Variants in SEMA3A observed in about 807,000 individuals in gnomAD.
SEMA3A encodes semaphorin-3A.
Under a neutral mutation model 97.9 loss-of-function variants are expected in SEMA3A, and 29 were observed. That is an observed-to-expected ratio of 0.30 (90% CI 0.22 to 0.40). The LOEUF (loss-of-function observed/expected upper bound fraction) is 0.40, where lower values mean the gene tolerates loss of function less well. Among genes scored for constraint, SEMA3A ranks in the 10% least tolerant of loss-of-function variants. The probability of loss-of-function intolerance (pLI) is 1.00; values close to 1 mark genes in which losing one functional copy is unlikely to be tolerated. For synonymous variants in SEMA3A, 321 were observed against 323.7 expected, an observed-to-expected ratio of 0.99 and a Z score of 0.09; for missense variants, 763 against 951.3, an observed-to-expected ratio of 0.80 and a Z score of 2.60.
At chr7:84,433,146 A>G (rs1349216495) in intron 1 of SEMA3A, among the ~76,000 whole-genome samples, 2 of 151,874 alleles carry the variant, frequency 1.3e-5, no homozygotes, top group African/African-American at 2.4e-5. Context: ...TTACATAGGT[A>G]TACATGTGCC....
At chr7:84,239,810 C>T (rs1799317992) in intron 3 of SEMA3A, among the ~76,000 whole-genome samples, 1 of 152,212 alleles carries the variant, frequency 6.6e-6, no homozygotes, top group South Asian at 2.1e-4. Flanking sequence ...GATGCATACA[C>T]ATTTATTACT....
At chr7:84,079,477 A>G (rs1242552371) in intron 4 of SEMA3A, among the ~76,000 whole-genome samples, 1 of 151,674 alleles carries the variant, frequency 6.6e-6, no homozygotes, top group African/African-American at 2.4e-5. Context: ...AATATCCAGA[A>G]TCTACAATGA....
intron 3 of SEMA3A, among the ~76,000 whole-genome samples, chr7:84,288,881 A>T: frequency 6.6e-6 from 1 of 152,138 alleles, no homozygotes; most frequent in East Asian, 1.9e-4. Flanking sequence ...AAAAGAAAGG[A>T]AATCAGTAAG....
chr7:84,483,168 C>T (rs544296927), intron 1 of SEMA3A, among the ~76,000 whole-genome samples: 34 of 152,258 alleles, frequency 2.2e-4, no homozygotes, highest in African/African-American at 7.7e-4. Flanking sequence ...TTTTCTCAAA[C>T]TCCATGTTAA....
chr7:84,250,977 A>AT (rs1345010633), intron 3 of SEMA3A, among the ~76,000 whole-genome samples: 2 of 152,106 alleles, frequency 1.3e-5, no homozygotes, highest in African/African-American at 4.8e-5. Flanking sequence ...TCAAGAGTCA[A>AT]TTTTTTCTTA....
intron 1 of SEMA3A, among the ~76,000 whole-genome samples, chr7:84,150,794 G>A (rs1437114179): frequency 2.6e-5 from 4 of 152,080 alleles, no homozygotes; most frequent in African/African-American, 9.7e-5. Context: ...GCAGGGCACA[G>A]ACAAACAAAA....
intron 3 of SEMA3A, among the ~76,000 whole-genome samples, chr7:84,274,744 A>G (rs1800250616): frequency 6.6e-6 from 1 of 152,036 alleles, no homozygotes; most frequent in Non-Finnish European, 1.5e-5. Context: ...TTATTTTCCA[A>G]ACAGGGCTGG....
At chr7:84,019,891 G>C (rs914296487) in intron 6 of SEMA3A, among the ~76,000 whole-genome samples, 3 of 151,624 alleles carry the variant, frequency 2.0e-5, no homozygotes, top group East Asian at 1.9e-4. Flanking sequence ...TTTCATTCAT[G>C]ACTTCTCTTT....
At chr7:84,194,806 A>G, upstream of SEMA3A, 1 of 339,502 alleles carries the variant, frequency 2.9e-6, no homozygotes. Flanking sequence ...GAAAAAAAAA[A>G]AAAAAAATTC....
chr7:84,152,667 A>C (rs1190882865), intron 1 of SEMA3A, among the ~76,000 whole-genome samples: 1 of 151,220 alleles, frequency 6.6e-6, no homozygotes, highest in African/African-American at 2.4e-5. Flanking sequence ...CAATGTGCAC[A>C]TGTACCCTAA....
intron 1 of SEMA3A, among the ~76,000 whole-genome samples, chr7:84,191,619 T>G (rs931443074): frequency 2.6e-5 from 4 of 151,862 alleles, no homozygotes; most frequent in Admixed American, 2.6e-4. Context: ...GTAGAAGAAA[T>G]AAACATTTAT....
At chr7:84,321,638 A>C (rs1801646149) in intron 2 of SEMA3A, among the ~76,000 whole-genome samples, 1 of 152,044 alleles carries the variant, frequency 6.6e-6, no homozygotes, top group Non-Finnish European at 1.5e-5. Flanking sequence ...GCACTTTGGG[A>C]GGCCAAAGCA....
chr7:84,449,064 C>G (rs1156497973), intron 1 of SEMA3A, among the ~76,000 whole-genome samples: 1 of 152,124 alleles, frequency 6.6e-6, no homozygotes, highest in Non-Finnish European at 1.5e-5. Flanking sequence ...GTATTTTCAA[C>G]AGATGGTGCC....
At chr7:84,003,773 A>ATAAAC (rs1790552264) in intron 11 of SEMA3A, among the ~76,000 whole-genome samples, 1 of 152,294 alleles carries the variant, frequency 6.6e-6, no homozygotes, top group East Asian at 1.9e-4. Context: ...ATGTTAAATG[A>ATAAAC]TAAACTAATA....
intron 1 of SEMA3A, among the ~76,000 whole-genome samples, chr7:84,465,889 C>T (rs981499377): frequency 6.6e-6 from 1 of 152,078 alleles, no homozygotes; most frequent in African/African-American, 2.4e-5. Flanking sequence ...TTCCCCAATA[C>T]CTTTATCCCA....
At chr7:83,980,623 A>AAAAAAAATATATAT (rs1310318006) in intron 14 of SEMA3A, among the ~76,000 whole-genome samples, 15 of 71,758 alleles carry the variant, frequency 2.1e-4, no homozygotes, top group African/African-American at 8.3e-5. Flanking sequence ...AAAAAAAAAA[A>AAAAAAAATATATAT]ATATATATAT....
intron 4 of SEMA3A, among the ~76,000 whole-genome samples, chr7:84,081,444 T>C (rs975175103): frequency 3.3e-5 from 5 of 151,678 alleles, no homozygotes; most frequent in Non-Finnish European, 7.4e-5. Flanking sequence ...TACAAAAAAA[T>C]TATCTGGGCG....
intron 1 of SEMA3A, among the ~76,000 whole-genome samples, chr7:84,382,043 T>G (rs1394621806): frequency 6.6e-6 from 1 of 152,166 alleles, no homozygotes; most frequent in African/African-American, 2.4e-5. Flanking sequence ...CAAGAAGGAC[T>G]GGCTTCATTC....
intron 1 of SEMA3A, among the ~76,000 whole-genome samples, chr7:84,404,972 A>C (rs1003405633): frequency 2.6e-5 from 4 of 152,358 alleles, no homozygotes; most frequent in African/African-American, 9.6e-5. Context: ...AAGGCTAGGA[A>C]GAAACTGTAT....
Sources: gnomAD v4.1 joint callset for allele counts (sites outside exome capture counted in the v4.1 genomes callset) on GRCh38, gnomAD v4.1.1 for gene constraint, MANE v1.5 for transcripts, NCBI Gene and HGNC (gene_info 2026-07-23, HGNC 2026-07-21) for gene names.